GRIA3: variants seen among roughly 807,000 people sequenced by gnomAD.
The protein encoded by GRIA3 is glutamate ionotropic receptor AMPA type subunit 3.
Under a neutral mutation model 63.0 loss-of-function variants are expected in GRIA3, and 3 were observed. That is an observed-to-expected ratio of 0.05 (90% CI 0.02 to 0.12). GRIA3 has a LOEUF of 0.12. Ranked by LOEUF, GRIA3 falls within the 10% of genes least tolerant of loss-of-function variation. The probability of loss-of-function intolerance (pLI) is 1.00; values close to 1 mark genes in which losing one functional copy is unlikely to be tolerated. For missense variants in GRIA3, 347 were observed against 700.9 expected, an observed-to-expected ratio of 0.50 and a Z score of 5.70; for synonymous variants, 274 against 257.9, an observed-to-expected ratio of 1.06 and a Z score of -0.60.
intron 5 of GRIA3, among the ~76,000 whole-genome samples, chrX:123,356,249 T>G (rs754492168): frequency 2.7e-5 from 3 of 110,916 alleles, no homozygotes; most frequent in Non-Finnish European, 5.7e-5. Context: ...TATTTTGCTC[T>G]CCTTCTTTCC....
At chrX:123,381,614 T>C (rs1308223471) in intron 5 of GRIA3, among the ~76,000 whole-genome samples, 4 of 111,686 alleles carry the variant, frequency 3.6e-5, no homozygotes, top group Admixed American at 9.5e-5. Flanking sequence ...CCATCATCCC[T>C]CTCTACCTTT....
intron 3 of GRIA3, among the ~76,000 whole-genome samples, chrX:123,266,994 A>G (rs59056121): frequency 0.025 from 2,796 of 110,916 alleles, 93 homozygotes; most frequent in African/African-American, 0.087. Context: ...CCTCATAGCT[A>G]TTTATGCAGC....
At chrX:123,378,964 C>T (rs1168998393) in intron 5 of GRIA3, among the ~76,000 whole-genome samples, 1 of 110,344 alleles carries the variant, frequency 9.1e-6, no homozygotes. Flanking sequence ...AATTTTGTTA[C>T]ATAGTTAATT....
At chrX:123,187,440 G>A (rs753329506) in intron 2 of GRIA3, among the ~76,000 whole-genome samples, 1 of 112,034 alleles carries the variant, frequency 8.9e-6, no homozygotes, top group African/African-American at 3.2e-5. Flanking sequence ...TAGTGTGAAA[G>A]TTACGAAATG....
intron 5 of GRIA3, among the ~76,000 whole-genome samples, chrX:123,375,015 C>A (rs190622853): frequency 9.0e-6 from 1 of 111,424 alleles, no homozygotes; most frequent in Non-Finnish European, 1.9e-5. Context: ...TGTTCTAAGT[C>A]TTAGAGGAAA....
intron 2 of GRIA3, among the ~76,000 whole-genome samples, chrX:123,201,728 C>T (rs776427645): frequency 9.0e-6 from 1 of 110,744 alleles, no homozygotes; most frequent in South Asian, 3.8e-4. Flanking sequence ...GAAAAAAATA[C>T]AGTTATTTGT....
intron 10 of GRIA3, among the ~76,000 whole-genome samples, chrX:123,414,420 CTTTTTT>C (rs1957785152): frequency 8.9e-6 from 1 of 111,932 alleles, no homozygotes; most frequent in African/African-American, 3.2e-5. Context: ...TTTTCTTTTT[CTTTTTT>C]ATTTTTTTTA....
chrX:123,237,529 T>C (rs1228975664), intron 2 of GRIA3, among the ~76,000 whole-genome samples: 1 of 111,845 alleles, frequency 8.9e-6, no homozygotes, highest in Non-Finnish European at 1.9e-5. Context: ...CTTACTTGAG[T>C]GTTTTATAAC....
At chrX:123,435,399 A>G (rs982438684) in intron 12 of GRIA3, among the ~76,000 whole-genome samples, 1 of 112,192 alleles carries the variant, frequency 8.9e-6, no homozygotes, top group Non-Finnish European at 1.9e-5. Flanking sequence ...AACAAGTATC[A>G]TTACACCTGT....
intron 2 of GRIA3, among the ~76,000 whole-genome samples, chrX:123,189,634 C>T (rs1027701729): frequency 8.0e-5 from 9 of 112,664 alleles, no homozygotes; most frequent in African/African-American, 9.7e-5. Flanking sequence ...TTGTGGATTA[C>T]GCACTGTTTG....
chrX:123,475,444 A>G (rs757716196), intron 13 of GRIA3, among the ~76,000 whole-genome samples: 7 of 111,835 alleles, frequency 6.3e-5, no homozygotes, highest in Non-Finnish European at 9.4e-5. Flanking sequence ...TCCCCATGAA[A>G]TTATGTCACA....
chrX:123,453,523 T>C (rs1389885429), intron 12 of GRIA3, among the ~76,000 whole-genome samples: 1 of 110,651 alleles, frequency 9.0e-6, no homozygotes, highest in East Asian at 2.8e-4. Context: ...ACATGTACCC[T>C]AGAACTGAAA....
At chrX:123,368,075 AT>A (rs1171146927) in intron 5 of GRIA3, among the ~76,000 whole-genome samples, 5 of 111,691 alleles carry the variant, frequency 4.5e-5, no homozygotes, top group Non-Finnish European at 9.4e-5. Context: ...AAGGGAAAAA[AT>A]GGAATATAGG....
intron 3 of GRIA3, among the ~76,000 whole-genome samples, chrX:123,294,069 C>T (rs1367611843): frequency 1.2e-5 from 1 of 85,728 alleles, no homozygotes; most frequent in Non-Finnish European, 2.4e-5. Context: ...AAAAAAAAAT[C>T]TATTGGCTGT....
At chrX:123,265,553 CTGAAGA>C (rs1166441791) in intron 3 of GRIA3, among the ~76,000 whole-genome samples, 2 of 111,665 alleles carry the variant, frequency 1.8e-5, no homozygotes, top group Non-Finnish European at 3.8e-5. Context: ...ATTAAGTAGG[CTGAAGA>C]GGAAGAGGAA....
chrX:123,483,160 G>A, intron 15 of GRIA3, 114 bp downstream of exon 15: 1 of 593,832 alleles, frequency 1.7e-6, no homozygotes, highest in Non-Finnish European at 2.7e-6. Context: ...TTGTCTCTTT[G>A]CAACCATTTG....
At chrX:123,276,446 C>G (rs766078076) in intron 3 of GRIA3, among the ~76,000 whole-genome samples, 125 of 111,873 alleles carry the variant, frequency 1.1e-3, no homozygotes, top group African/African-American at 3.8e-3. Flanking sequence ...CCCTTTCCTC[C>G]CTCACTGAGC....
intron 3 of GRIA3, among the ~76,000 whole-genome samples, chrX:123,293,268 G>A (rs954609080): frequency 1.8e-5 from 2 of 111,155 alleles, no homozygotes; most frequent in Non-Finnish European, 3.8e-5. Context: ...AGAGTATACT[G>A]AAGTGGGATA....
chrX:123,330,154 C>T lies in GRIA3; in HGVS notation c.696+3941C>T, dbSNP rs1433564048. Reference sequence around the variant, plus strand: ...AAACCATTTAGAAAGGTGCCTGACACGTAGTGTTTATATAGTGCTTTGATG... The same window carrying T: ...AAACCATTTAGAAAGGTGCCTGACATGTAGTGTTTATATAGTGCTTTGATG... On this transcript the variant is annotated intron_variant, in intron 4 of 15. Transcript: ENST00000620443. 2.7e-5 allele frequency among the ~76,000 whole-genome samples: 3 copies of T among 111,986 alleles called. No homozygotes were observed. In the East Asian group the frequency reaches 8.4e-4, roughly 31 times the overall value.
Sources: gnomAD v4.1 joint callset for allele counts (sites outside exome capture counted in the v4.1 genomes callset) on GRCh38, gnomAD v4.1.1 for gene constraint, MANE v1.5 for transcripts, NCBI Gene and HGNC (gene_info 2026-07-23, HGNC 2026-07-21) for gene names.